The following KLHL3 variants were observed in gnomAD, a reference collection of about 807,000 sequenced individuals.
KLHL3 encodes the protein kelch like family member 3.
Under a neutral mutation model 70.5 loss-of-function variants are expected in KLHL3, and 19 were observed. The ratio of observed to expected loss-of-function variants is 0.27; its 90% CI spans 0.19 to 0.40. The LOEUF is 0.40. KLHL3 is among the 10% of genes least tolerant of loss of function. The pLI is 1.00. For synonymous variants in KLHL3, 258 were observed against 290.3 expected (o/e 0.89, Z 1.13); for missense variants, 512 against 771.1 (o/e 0.66, Z 3.98).
chr5:137,618,128 A>G lies in KLHL3; in HGVS notation c.*3970T>C, dbSNP rs564483823. On this transcript the variant is annotated 3_prime_UTR_variant, in exon 15 of 15. Transcript: ENST00000309755. ...TCTCCTGCTTGGTCAGTAGAAACAC[A>G]GCACAGCTGAACATGAGGGGCTTAG... 2.0e-5 allele frequency: 3 copies of G among 152,742 alleles called. No homozygotes were observed. The highest frequency in any genetic ancestry group is 3.9e-4 in the East Asian group (2 of 5,176). The allele number at this position is 152,742 out of a possible 1,614,324, so 9.5% of individuals were successfully genotyped here. A position where few individuals can be genotyped will look rare whatever the true frequency, so the allele number is the denominator to read the frequency against.
chr5:137,637,612 G>A (rs1444617291), intron 10 of KLHL3, among the ~76,000 whole-genome samples: 2 of 152,224 alleles, frequency 1.3e-5, no homozygotes, highest in Non-Finnish European at 2.9e-5. Context: ...CTCAGAGAGT[G>A]GGCTGTGAAA....
At chr5:137,714,783 A>G (rs1458219168) in intron 2 of KLHL3, among the ~76,000 whole-genome samples, 1 of 152,242 alleles carries the variant, frequency 6.6e-6, no homozygotes, top group Non-Finnish European at 1.5e-5. Context: ...ATTGTATGGC[A>G]TCTGAATTAT....
chr5:137,696,879 T>C (rs1260895589), intron 4 of KLHL3, among the ~76,000 whole-genome samples: 1 of 152,184 alleles, frequency 6.6e-6, no homozygotes, highest in East Asian at 1.9e-4. Flanking sequence ...TGACTGCTGG[T>C]ACCTCCACCA....
At chr5:137,701,439 T>G (rs1752565025) in intron 3 of KLHL3, among the ~76,000 whole-genome samples, 1 of 152,184 alleles carries the variant, frequency 6.6e-6, no homozygotes, top group African/African-American at 2.4e-5. Context: ...CTGTGTCATT[T>G]CTAATACATC....
intron 4 of KLHL3, among the ~76,000 whole-genome samples, chr5:137,697,175 C>A (rs1041406844): frequency 1.5e-5 from 2 of 130,642 alleles, no homozygotes; most frequent in Non-Finnish European, 3.3e-5. Flanking sequence ...TTTTTTTTTT[C>A]TTTTTGGAGA....
At chr5:137,682,440 A>G (rs1752055832) in intron 5 of KLHL3, among the ~76,000 whole-genome samples, 1 of 151,954 alleles carries the variant, frequency 6.6e-6, no homozygotes, top group Non-Finnish European at 1.5e-5. Context: ...AGAGAGGCAT[A>G]GACAGAGGAT....
intron 11 of KLHL3, among the ~76,000 whole-genome samples, chr5:137,636,183 A>G (rs1750762130): frequency 6.6e-6 from 1 of 152,220 alleles, no homozygotes; most frequent in African/African-American, 2.4e-5. Flanking sequence ...ATGTTAGAAT[A>G]GTACACCTTT....
intron 4 of KLHL3, among the ~76,000 whole-genome samples, chr5:137,693,538 G>A (rs1389388810): frequency 2.6e-5 from 4 of 152,016 alleles, no homozygotes; most frequent in Non-Finnish European, 4.4e-5. Context: ...CCAAAGTCCT[G>A]TCCCACTCCA....
intron 5 of KLHL3, among the ~76,000 whole-genome samples, chr5:137,687,119 T>G (rs1159598644): frequency 1.8e-5 from 1 of 56,684 alleles, no homozygotes. Flanking sequence ...GGGAGGGAGG[T>G]GGGGGGATCA....
At chr5:137,648,095 C>T (rs1352435344) in intron 8 of KLHL3, among the ~76,000 whole-genome samples, 5 of 152,182 alleles carry the variant, frequency 3.3e-5, no homozygotes, top group African/African-American at 4.8e-5. Flanking sequence ...TGCTAAAAAA[C>T]AGATTCCCAA....
intron 1 of KLHL3, among the ~76,000 whole-genome samples, chr5:137,731,827 T>C (rs917156139): frequency 1.3e-5 from 2 of 152,182 alleles, no homozygotes; most frequent in African/African-American, 4.8e-5. Flanking sequence ...TCTGCCACAG[T>C]CTGGGCCTGA....
chr5:137,720,661 T>C, intron 1 of KLHL3, 77 bp from the exon 2 acceptor site: 4 of 1,596,356 alleles, frequency 2.5e-6, no homozygotes, highest in Non-Finnish European at 3.4e-6. Flanking sequence ...CAAAAGCCCA[T>C]GCATTTACCC....
At chr5:137,634,259 C>T (rs1164000905) in intron 11 of KLHL3, 94 bp from the exon 12 acceptor site, 15 of 1,392,076 alleles carry the variant, frequency 1.1e-5, no homozygotes, top group Non-Finnish European at 1.4e-5. Flanking sequence ...CTGGGGCACC[C>T]TTACCTCAGA....
At chr5:137,713,428 GA>G (rs577495850) in intron 2 of KLHL3, among the ~76,000 whole-genome samples, 1 of 151,998 alleles carries the variant, frequency 6.6e-6, no homozygotes, top group East Asian at 1.9e-4. Context: ...ATTCAACTGG[GA>G]AAAAAACAGT....
chr5:137,664,656 C>CA (rs35778509), intron 6 of KLHL3, among the ~76,000 whole-genome samples: 1,953 of 146,010 alleles, frequency 0.013, 27 homozygotes, highest in East Asian at 0.072. Flanking sequence ...ATCTCTACTA[C>CA]AAAAAAAAAA....
intron 5 of KLHL3, among the ~76,000 whole-genome samples, chr5:137,681,227 T>C (rs1185770809): frequency 6.6e-6 from 1 of 152,180 alleles, no homozygotes; most frequent in Admixed American, 6.5e-5. Context: ...AAGAAATAGA[T>C]GTGACTCACA....
chr5:137,657,846 T>C (rs747470852), intron 8 of KLHL3, among the ~76,000 whole-genome samples: 1 of 152,032 alleles, frequency 6.6e-6, no homozygotes, highest in East Asian at 1.9e-4. Context: ...GCACAAGCCA[T>C]GGTGTGAAAT....
chr5:137,670,049 G>A (rs1033620626), intron 6 of KLHL3, among the ~76,000 whole-genome samples: 1 of 152,154 alleles, frequency 6.6e-6, no homozygotes, highest in Admixed American at 6.5e-5. Context: ...AAGGAAGCTC[G>A]CCATCTCCTG....
chr5:137,638,842 G>A lies in KLHL3; in HGVS notation c.1219+111C>T, dbSNP rs1028373827. On this transcript the variant is annotated intron_variant, in intron 10 of 14. Transcript: ENST00000309755. ...GAAGAAGAGTGGATATGTCCCTGGG[G>A]CAGTAGCTACAAATGGACAGAAAGT... 6.1e-6 allele frequency: 6 copies of A among 991,526 alleles called. No homozygotes were observed. In the South Asian group the frequency reaches 9.4e-5, roughly 16 times the overall value. 61.4% of individuals were successfully genotyped at this position (991,526 alleles called of 1,614,324 possible). A position where few individuals can be genotyped will look rare whatever the true frequency, so the allele number is the denominator to read the frequency against.
Sources: gnomAD v4.1 joint callset for allele counts (sites outside exome capture counted in the v4.1 genomes callset) on GRCh38, gnomAD v4.1.1 for gene constraint, MANE v1.5 for transcripts, NCBI Gene and HGNC (gene_info 2026-07-23, HGNC 2026-07-21) for gene names.